CNOT1: variants seen among roughly 807,000 people sequenced by gnomAD.
The protein encoded by CNOT1 is CCR4-associated factor 1.
CNOT1 carries 15 observed loss-of-function variants against 273.8 expected under a neutral mutation model. The observed-to-expected ratio is 0.05, with a 90% CI of 0.04 to 0.08. The LOEUF is 0.08. Ranked by LOEUF, CNOT1 falls within the 10% of genes least tolerant of loss-of-function variation. The pLI is 1.00. For synonymous variants in CNOT1, 1,022 were observed against 1,005.5 expected, an observed-to-expected ratio of 1.02 and a Z score of -0.31; for missense variants, 1,644 against 2,912.2, an observed-to-expected ratio of 0.56 and a Z score of 10.02.
At chr16:58,628,398 C>A in intron 1 of CNOT1, among the ~76,000 whole-genome samples, 1 of 152,192 alleles carries the variant, frequency 6.6e-6, no homozygotes, top group South Asian at 2.1e-4. Context: ...CCAACCGGGA[C>A]CACAGATCAC....
Position 58,542,682 on chromosome 16 carries a change from G to C in CNOT1, c.4435-114C>G, listed in dbSNP as rs1450090047. 3.5e-6 allele frequency: 5 copies of C among 1,431,434 alleles called. No homozygotes were observed. In the Admixed American group the frequency reaches 9.9e-5, roughly 28 times the overall value. 88.7% of individuals were successfully genotyped at this position (1,431,434 alleles called of 1,614,324 possible). ...AGTGCATTTGGCAAATGCATTTTAA[G>C]TTCTGACTCTACTTATGAACAAGCT... On this transcript the variant is annotated intron_variant, in intron 31 of 48. Transcript: ENST00000317147.
chr16:58,524,023 G>C (rs1233005191), intron 46 of CNOT1, among the ~76,000 whole-genome samples: 2 of 152,134 alleles, frequency 1.3e-5, no homozygotes, highest in South Asian at 2.1e-4. Context: ...TGAGGCAAGT[G>C]GATCACTTGA....
Position 58,538,202 on chromosome 16 carries a change from T to C in CNOT1, c.5200A>G (p.Asn1734Asp), listed in dbSNP as rs1567392594. Residue 1734 changes from asparagine (N) to aspartate (D), a missense_variant, in exon 37 of 49, where the codon AAT becomes GAT. Physicochemically the swap from Asn to Asp is conservative, Grantham distance 23. Coordinates refer to ENST00000317147, the MANE Select transcript of CNOT1 (RefSeq NM_016284.5). ...TACTGCTGCATATTAACCAAATGATTGCGAATTAGCAGCTCCACAGCCTCC... is the reference window on the plus strand; with the variant it reads ...TACTGCTGCATATTAACCAAATGATCGCGAATTAGCAGCTCCACAGCCTCC... ...NVEAVELLIR[N>D]HLVNMQQYDL... 1 of 1,531,546 alleles carries C rather than the reference T, an allele frequency of 6.5e-7. No homozygotes were observed. The highest frequency in any genetic ancestry group is 9.1e-7 in the Non-Finnish European group (1 of 1,104,472). The allele number at this position is 1,531,546 out of a possible 1,614,324, so 94.9% of individuals were successfully genotyped here. A position where few individuals can be genotyped will look rare whatever the true frequency, so the allele number is the denominator to read the frequency against.
intron 35 of CNOT1, 80 bp from the exon 36 acceptor site, chr16:58,538,994 A>G (rs1173155832): frequency 2.6e-6 from 4 of 1,544,100 alleles, no homozygotes; most frequent in Admixed American, 3.9e-5. Context: ...CCAAATCTCA[A>G]TGCCAAGTAC....
intron 1 of CNOT1, among the ~76,000 whole-genome samples, chr16:58,617,497 C>T (rs999172937): frequency 3.3e-5 from 5 of 152,124 alleles, no homozygotes; most frequent in African/African-American, 1.2e-4. Context: ...AAACATGACA[C>T]TCAAAAGAAT....
intron 1 of CNOT1, among the ~76,000 whole-genome samples, chr16:58,609,344 C>T (rs2042804825): frequency 6.6e-6 from 1 of 151,740 alleles, no homozygotes; most frequent in African/African-American, 2.4e-5. Flanking sequence ...TGCACTCCAG[C>T]CTAGGTGACA....
chr16:58,551,907 G>T, intron 22 of CNOT1, 88 bp from the exon 23 acceptor site: 2 of 1,528,790 alleles, frequency 1.3e-6, no homozygotes, highest in Non-Finnish European at 1.8e-6. Context: ...TAAAAAACAT[G>T]TCTGAGTGCT....
chr16:58,551,850 A>G, intron 22 of CNOT1, 31 bp from the exon 23 acceptor site: 1 of 1,609,936 alleles, frequency 6.2e-7, no homozygotes. Flanking sequence ...AAAAGAGTTA[A>G]CCTTAATTGC....
chr16:58,562,341 A>T (rs2040882052), intron 16 of CNOT1, among the ~76,000 whole-genome samples: 2 of 151,442 alleles, frequency 1.3e-5, no homozygotes, highest in Admixed American at 1.3e-4. Flanking sequence ...CATCTCTACA[A>T]AAAATTTTAA....
chr16:58,574,685 T>C lies in CNOT1; in HGVS notation c.1903A>G (p.Lys635Glu). Residue 635 changes from lysine to glutamate, a missense_variant, in exon 16 of 49, where the codon AAA becomes GAA. Physicochemically the swap from Lys to Glu is moderately conservative, Grantham distance 56 (BLOSUM62 1). This residue lies in a region of CNOT1 where 706 missense variants were observed against 1,021.2 expected (regional missense o/e 0.69). Coordinates refer to ENST00000317147, the MANE Select transcript of CNOT1 (RefSeq NM_016284.5). The stretch of plus-strand genomic sequence containing the variant: ...AGTTGAGCACTTTTGGGCTGGTCTT[T>C]TTCTGGGGCAAGTCCGCCCAAAATA... ...PSILGGLAPE[K>E]DQPKSAQLPP... 1.2e-6 allele frequency: 2 copies of C among 1,610,012 alleles called. No homozygotes were observed. Among genetic ancestry groups the C allele is most frequent in the Non-Finnish European group, 1.7e-6 (2 of 1,179,318 alleles).
intron 16 of CNOT1, among the ~76,000 whole-genome samples, chr16:58,574,021 CAGG>C (rs1217022547): frequency 6.6e-6 from 1 of 151,886 alleles, no homozygotes; most frequent in Non-Finnish European, 1.5e-5. Flanking sequence ...GAGGCTGTGG[CAGG>C]AGGATCACTT....
chr16:58,601,734 T>TAAAAAAAAAAAAAAAAAAAAAA (rs66711143), intron 1 of CNOT1, among the ~76,000 whole-genome samples: 2 of 91,512 alleles, frequency 2.2e-5, no homozygotes, highest in Admixed American at 1.3e-4. Flanking sequence ...ATACCCACCT[T>TAAAAAAAAAAAAAAAAAAAAAA]AAAAAAAAAA....
intron 27 of CNOT1, 91 bp from the exon 28 acceptor site, chr16:58,546,840 G>T: frequency 6.7e-7 from 1 of 1,495,822 alleles, no homozygotes; most frequent in African/African-American, 1.4e-5. Context: ...AGGGGGTAGG[G>T]GGGAGTCAAA....
chr16:58,599,080 A>C, intron 2 of CNOT1, 156 bp downstream of exon 2: 6 of 713,336 alleles, frequency 8.4e-6, no homozygotes, highest in Non-Finnish European at 6.7e-6. Context: ...AGATTGGGCT[A>C]AGAGCTCTTT....
chr16:58,531,790 C>G (rs987974929), intron 42 of CNOT1, among the ~76,000 whole-genome samples, 168 bp downstream of exon 42: 1 of 152,152 alleles, frequency 6.6e-6, no homozygotes, highest in East Asian at 1.9e-4. Flanking sequence ...GGCTTTCAGG[C>G]AGAGGCAGTC....
chr16:58,602,554 A>AG (rs2042508253), intron 1 of CNOT1, among the ~76,000 whole-genome samples: 1 of 13,484 alleles, frequency 7.4e-5, no homozygotes, highest in Non-Finnish European at 1.2e-4. Flanking sequence ...CTCTGTCTCC[A>AG]AAAAAAAAAA....
intron 5 of CNOT1, 35 bp downstream of exon 5, chr16:58,587,310 A>C: frequency 1.9e-6 from 3 of 1,613,568 alleles, no homozygotes; most frequent in Non-Finnish European, 2.5e-6. Flanking sequence ...TTTTAATTCT[A>C]GTTTTGTCTA....
chr16:58,599,263 G>A lies in CNOT1; in HGVS notation c.75C>T (p.Tyr25=). 6.2e-7 allele frequency: 1 copy of A among 1,614,112 alleles called. No homozygotes were observed. The highest frequency in any genetic ancestry group is 1.3e-5 in the African/African-American group (1 of 75,018). ...YLVDNLTKKN[Y]RASQQEIQHI... ...GCTGTATTTCCTGCTGGCTGGCTCG[G>A]TAATTTTTCTTGGTTAAATTGTCCA... The change falls in exon 2 of 49, where the codon TAC becomes TAT. Residue 25 remains tyrosine (Y), a synonymous_variant. Transcript: ENST00000317147.
At chr16:58,604,068 C>T (rs979169477) in intron 1 of CNOT1, among the ~76,000 whole-genome samples, 11 of 151,974 alleles carry the variant, frequency 7.2e-5, no homozygotes, top group African/African-American at 2.2e-4. Flanking sequence ...CAAAAAAACA[C>T]GAAAATCCAC....
Sources: gnomAD v4.1 joint callset for allele counts (sites outside exome capture counted in the v4.1 genomes callset) on GRCh38, gnomAD v4.1.1 for gene constraint, gnomAD v4.1.1 regional missense constraint, MANE v1.5 for transcripts, NCBI Gene and HGNC (gene_info 2026-07-23, HGNC 2026-07-21) for gene names.